Variants in CACNA2D3 observed in about 807,000 individuals in gnomAD.
The protein encoded by CACNA2D3 is voltage-dependent calcium channel subunit alpha-2/delta-3.
A neutral mutation model predicts 160.6 loss-of-function variants in CACNA2D3; 60 were observed. The ratio of observed to expected loss-of-function variants is 0.37; its 90% CI spans 0.30 to 0.46. The LOEUF is 0.46. Among genes scored for constraint, CACNA2D3 ranks in the 20% least tolerant of loss-of-function variants. CACNA2D3 has a pLI of 1.00. For missense variants in CACNA2D3, 1,205 were observed against 1,365.0 expected (o/e 0.88, Z 1.85); for synonymous variants, 558 against 492.9 (o/e 1.13, Z -1.75).
chr3:54,352,827 C>G (rs180998342), intron 3 of CACNA2D3, among the ~76,000 whole-genome samples: 1 of 152,140 alleles, frequency 6.6e-6, no homozygotes, highest in African/African-American at 2.4e-5. Context: ...TAAGTTCTGA[C>G]CAATAAATTT....
intron 9 of CACNA2D3, among the ~76,000 whole-genome samples, chr3:54,586,576 G>A (rs775489329): frequency 2.0e-4 from 31 of 152,140 alleles, no homozygotes; most frequent in South Asian, 4.1e-4. Context: ...TACAATTATA[G>A]TTGGGACTTG....
chr3:54,387,352 A>G lies in CACNA2D3; in HGVS notation c.381+578A>G, dbSNP rs187711831. 3.6e-3 allele frequency among the ~76,000 whole-genome samples: 546 copies of G among 152,292 alleles called. 3 individuals carry two copies. The highest frequency in any genetic ancestry group is 5.0e-3 in the Non-Finnish European group (338 of 68,024). On this transcript the variant is annotated intron_variant, in intron 4 of 37. Coordinates refer to ENST00000474759, the MANE Select transcript of CACNA2D3 (RefSeq NM_018398.3). ...TAGTAAAGGGCAACAAGTTAATTAA[A>G]TAATACTTGGAGGTTCCAGCTGGGT...
At chr3:54,461,952 G>A (rs1213294290) in intron 4 of CACNA2D3, among the ~76,000 whole-genome samples, 9 of 152,210 alleles carry the variant, frequency 5.9e-5, no homozygotes, top group South Asian at 2.1e-4. Flanking sequence ...CTTTGAATGC[G>A]TCCCAGAGAT....
chr3:54,872,226 A>G (rs557858383), intron 18 of CACNA2D3, among the ~76,000 whole-genome samples: 1 of 152,276 alleles, frequency 6.6e-6, no homozygotes. Context: ...TGCTCTATCA[A>G]AAGCTCTCCT....
intron 2 of CACNA2D3, among the ~76,000 whole-genome samples, chr3:54,264,143 A>G (rs866820431): frequency 6.6e-6 from 1 of 152,152 alleles, no homozygotes; most frequent in Non-Finnish European, 1.5e-5. Flanking sequence ...TAATTAACAT[A>G]ATCGGCTCTG....
chr3:54,126,597 T>C (rs1699597726), intron 2 of CACNA2D3, among the ~76,000 whole-genome samples: 2 of 152,210 alleles, frequency 1.3e-5, no homozygotes, highest in African/African-American at 4.8e-5. Context: ...TAGGATAGTT[T>C]TGATTTTATA....
At chr3:54,661,838 A>ATGTGTGTGTGTG (rs780111250) in intron 11 of CACNA2D3, among the ~76,000 whole-genome samples, 2 of 146,830 alleles carry the variant, frequency 1.4e-5, no homozygotes, top group East Asian at 4.2e-4. Context: ...CATCTCAGGG[A>ATGTGTGTGTGTG]TGTGTGTATG....
chr3:54,993,501 G>C (rs1350289561), intron 31 of CACNA2D3, among the ~76,000 whole-genome samples: 1 of 152,162 alleles, frequency 6.6e-6, no homozygotes, highest in African/African-American at 2.4e-5. Flanking sequence ...TTTGAGCCAG[G>C]GAGACCGAAG....
chr3:55,024,399 C>T (rs538262272), intron 35 of CACNA2D3, among the ~76,000 whole-genome samples: 3 of 151,980 alleles, frequency 2.0e-5, no homozygotes, highest in African/African-American at 7.3e-5. Flanking sequence ...GGTGTCCCCC[C>T]AAAATCTACT....
chr3:54,285,388 G>A (rs1042651497), intron 2 of CACNA2D3, among the ~76,000 whole-genome samples: 12 of 152,172 alleles, frequency 7.9e-5, no homozygotes, highest in Non-Finnish European at 1.2e-4. Flanking sequence ...GGGGAGGGTC[G>A]CCTGCCATTC....
intron 2 of CACNA2D3, among the ~76,000 whole-genome samples, chr3:54,207,229 A>C (rs910742357): frequency 6.6e-5 from 10 of 151,192 alleles, no homozygotes; most frequent in Non-Finnish European, 1.5e-4. Context: ...TATGCATGGC[A>C]ACAAATTAAT....
chr3:54,825,918 A>T (rs1419056478), intron 14 of CACNA2D3, among the ~76,000 whole-genome samples: 1 of 152,200 alleles, frequency 6.6e-6, no homozygotes, highest in African/African-American at 2.4e-5. Context: ...GATATACTAG[A>T]TTAATATGAT....
intron 10 of CACNA2D3, 83 bp from the exon 11 acceptor site, chr3:54,642,045 C>T (rs946632418): frequency 2.5e-6 from 2 of 793,274 alleles, no homozygotes; most frequent in African/African-American, 3.6e-5. Context: ...CTTCCTTAGT[C>T]CCAGGTCTCA....
chr3:55,074,071 T>C (rs1056118369), intron 37 of CACNA2D3, 43 bp from the exon 38 acceptor site: 8 of 1,515,876 alleles, frequency 5.3e-6, no homozygotes, highest in Non-Finnish European at 5.5e-6. Context: ...GAAGGTGTCC[T>C]GGAGTCTATT....
chr3:54,392,061 C>G (rs1337533432), intron 4 of CACNA2D3, among the ~76,000 whole-genome samples: 1 of 152,124 alleles, frequency 6.6e-6, no homozygotes, highest in Non-Finnish European at 1.5e-5. Context: ...CCAATGAGAA[C>G]AGAGTTTTAA....
intron 2 of CACNA2D3, among the ~76,000 whole-genome samples, chr3:54,227,810 A>G (rs926788016): frequency 2.0e-5 from 3 of 152,044 alleles, no homozygotes; most frequent in Admixed American, 2.0e-4. Context: ...CGGCCTCCCA[A>G]AGTGCTGGGA....
intron 11 of CACNA2D3, among the ~76,000 whole-genome samples, chr3:54,676,577 G>A (rs1700248718): frequency 6.6e-6 from 1 of 152,154 alleles, no homozygotes; most frequent in South Asian, 2.1e-4. Context: ...ATGGCATCTG[G>A]AAAAATGCCC....
rs529523504 is a variant in CACNA2D3 at position 55,069,820 on chromosome 3, T to TTAAG, written c.2988-3623_2988-3620dup. Among the ~76,000 whole-genome samples, 26 of 152,330 alleles carry TTAAG rather than the reference T, an allele frequency of 1.7e-4. No individual in the cohort carries two copies. The South Asian group carries it at 5.0e-3, about 29-fold the overall frequency. On this transcript the variant is annotated intron_variant, in intron 35 of 37. Coordinates refer to ENST00000474759, the MANE Select transcript of CACNA2D3 (RefSeq NM_018398.3). ...TTTATCCCCAAAGGCGTGTTTTCTC[T>TTAAG]TAAGTTCTCAGATTGTTTACAATGC...
intron 9 of CACNA2D3, among the ~76,000 whole-genome samples, chr3:54,591,753 A>C (rs2106756804): frequency 6.6e-6 from 1 of 152,190 alleles, no homozygotes; most frequent in South Asian, 2.1e-4. Context: ...TGGAGCTTTG[A>C]GTCCATTTTC....
Sources: allele counts gnomAD v4.1 joint callset (sites outside exome capture counted in the v4.1 genomes callset), GRCh38; gene constraint gnomAD v4.1.1; transcripts MANE v1.5; gene names NCBI Gene and HGNC (gene_info 2026-07-23, HGNC 2026-07-21).